The following NEK7 variants were observed in gnomAD, a reference collection of about 807,000 sequenced individuals.
The protein encoded by NEK7 is NIMA related kinase 7.
Under a neutral mutation model 44.6 loss-of-function variants are expected in NEK7, and 18 were observed. The observed-to-expected ratio is 0.40, with a 90% CI of 0.28 to 0.60. The LOEUF is 0.60. NEK7 is among the 20% of genes least tolerant of loss of function. NEK7 has a pLI of 0.38. For missense variants in NEK7, 256 were observed against 366.5 expected (o/e 0.70, Z 2.46); for synonymous variants, 130 against 121.1 (o/e 1.07, Z -0.48).
rs868696742 is a variant in NEK7 at position 198,317,885 on chromosome 1, T to A, written c.799-1527T>A. Among the ~76,000 whole-genome samples, 55 of 144,522 alleles carry A rather than the reference T, an allele frequency of 3.8e-4. 2 individuals are homozygous for A. Among genetic ancestry groups the A allele is most frequent in the South Asian group, 1.8e-3 (8 of 4,536 alleles). 94.8% of individuals were successfully genotyped at this position (144,522 alleles called of 152,430 possible). A position where few individuals can be genotyped will look rare whatever the true frequency, so the allele number is the denominator to read the frequency against. On this transcript the variant is annotated intron_variant, in intron 9 of 9. Transcript: ENST00000367385. ...TATTACTGGATATATTTATTTTTTT[T>A]TTTTTTTTTTTTTTTGGTAACCTGG... is the stretch of plus-strand genomic sequence containing the variant.
intron 1 of NEK7, among the ~76,000 whole-genome samples, chr1:198,158,511 T>C (rs141968046): frequency 8.2e-4 from 125 of 152,326 alleles, no homozygotes; most frequent in African/African-American, 2.8e-3. Flanking sequence ...ATGTGTATTA[T>C]AAATATGTTC....
chr1:198,198,528 G>A (rs1014889915), intron 1 of NEK7, among the ~76,000 whole-genome samples: 6 of 152,256 alleles, frequency 3.9e-5, no homozygotes, highest in Middle Eastern at 3.4e-3. Flanking sequence ...CCCACATGTC[G>A]CTATGTAAAG....
chr1:198,319,627 T>A lies in NEK7; in HGVS notation c.*105T>A. ...GTTAAGATTAATATTTCAGAGCTAG[T>A]GTGCTTTGAATCCTTAACCAGTTTT... is the stretch of plus-strand genomic sequence containing the variant. On this transcript the variant is annotated 3_prime_UTR_variant, in exon 10 of 10. Coordinates refer to ENST00000367385, the MANE Select transcript of NEK7 (RefSeq NM_133494.3). 7.5e-7 allele frequency: 1 copy of A among 1,326,500 alleles called. No individual in the cohort carries two copies. The highest frequency in any genetic ancestry group is 9.8e-7 in the Non-Finnish European group (1 of 1,022,408). The allele number at this position is 1,326,500 out of a possible 1,614,324, so 82.2% of individuals were successfully genotyped here.
At chr1:198,289,874 T>C (rs150061199) in intron 7 of NEK7, among the ~76,000 whole-genome samples, 1 of 152,176 alleles carries the variant, frequency 6.6e-6, no homozygotes. Context: ...TTATTGTTTA[T>C]GGAGTATATA....
chr1:198,163,918 C>T (rs1025206929), intron 1 of NEK7, among the ~76,000 whole-genome samples: 1 of 151,884 alleles, frequency 6.6e-6, no homozygotes, highest in African/African-American at 2.4e-5. Flanking sequence ...TTGTTTTCAC[C>T]TTCACTTTTA....
At chr1:198,177,895 A>G (rs1183842539) in intron 1 of NEK7, among the ~76,000 whole-genome samples, 1 of 152,132 alleles carries the variant, frequency 6.6e-6, no homozygotes, top group Non-Finnish European at 1.5e-5. Flanking sequence ...ATGGCTAGAC[A>G]AAATCAAGCA....
intron 1 of NEK7, among the ~76,000 whole-genome samples, chr1:198,191,975 T>C (rs1369097696): frequency 6.6e-6 from 1 of 152,128 alleles, no homozygotes; most frequent in Non-Finnish European, 1.5e-5. Flanking sequence ...TGTCTTTTCC[T>C]GCTTCAATTG....
At chr1:198,220,613 A>C (rs1666055653) in intron 1 of NEK7, among the ~76,000 whole-genome samples, 1 of 152,082 alleles carries the variant, frequency 6.6e-6, no homozygotes, top group African/African-American at 2.4e-5. Flanking sequence ...GATTATGGGA[A>C]GTACTGGATG....
chr1:198,272,325 G>A (rs1264730612), intron 5 of NEK7, among the ~76,000 whole-genome samples: 1 of 151,814 alleles, frequency 6.6e-6, no homozygotes, highest in Non-Finnish European at 1.5e-5. Context: ...GCTCCCTTTT[G>A]TAAACCATGT....
intron 2 of NEK7, among the ~76,000 whole-genome samples, chr1:198,251,896 T>G (rs1653012076): frequency 6.6e-6 from 1 of 152,198 alleles, no homozygotes. Context: ...CTGATTTTAG[T>G]TATTTCTTGC....
intron 1 of NEK7, among the ~76,000 whole-genome samples, chr1:198,199,831 T>A (rs1424576052): frequency 6.6e-6 from 1 of 152,168 alleles, no homozygotes; most frequent in Non-Finnish European, 1.5e-5. Context: ...ATGTAAGACA[T>A]GTCTTACAAG....
intron 1 of NEK7, among the ~76,000 whole-genome samples, chr1:198,197,455 A>AAT (rs1444779575): frequency 6.6e-6 from 1 of 152,204 alleles, no homozygotes; most frequent in Non-Finnish European, 1.5e-5. Flanking sequence ...GCAACAAACA[A>AAT]ATAGTACATT....
chr1:198,316,466 G>A (rs764016742), intron 9 of NEK7, among the ~76,000 whole-genome samples: 8 of 152,168 alleles, frequency 5.3e-5, no homozygotes, highest in African/African-American at 1.2e-4. Context: ...CTCCGTGTAC[G>A]AGGTGCAACA....
At chr1:198,296,513 A>G (rs541507932) in intron 8 of NEK7, among the ~76,000 whole-genome samples, 2 of 152,296 alleles carry the variant, frequency 1.3e-5, no homozygotes, top group East Asian at 3.9e-4. Context: ...AATTACAGCT[A>G]TGACTCATAG....
At chr1:198,295,340 C>T (rs1349609455) in intron 8 of NEK7, among the ~76,000 whole-genome samples, 2 of 152,102 alleles carry the variant, frequency 1.3e-5, no homozygotes, top group Non-Finnish European at 2.9e-5. Flanking sequence ...CCTCCGACAC[C>T]CCCAGAATAC....
intron 9 of NEK7, among the ~76,000 whole-genome samples, chr1:198,307,038 A>C (rs1655040996): frequency 6.6e-6 from 1 of 152,150 alleles, no homozygotes; most frequent in Non-Finnish European, 1.5e-5. Flanking sequence ...TTTAAGTAAA[A>C]TTCAGAGCCA....
At chr1:198,307,279 T>C (rs906072308) in intron 9 of NEK7, among the ~76,000 whole-genome samples, 7 of 152,094 alleles carry the variant, frequency 4.6e-5, no homozygotes, top group Non-Finnish European at 5.9e-5. Context: ...CTTTGAGTAA[T>C]GTACTAAGCA....
intron 1 of NEK7, chr1:198,198,032 G>A: frequency 6.8e-7 from 1 of 1,464,680 alleles, no homozygotes; most frequent in Admixed American, 2.5e-5. Flanking sequence ...GGCCCACCTG[G>A]GGGGAAAGCT....
At chr1:198,193,615 T>C (rs1665141887) in intron 1 of NEK7, among the ~76,000 whole-genome samples, 1 of 152,194 alleles carries the variant, frequency 6.6e-6, no homozygotes, top group South Asian at 2.1e-4. Flanking sequence ...TCCACCATGA[T>C]CAAGTTGGCT....
Sources: allele counts gnomAD v4.1 joint callset (sites outside exome capture counted in the v4.1 genomes callset), GRCh38; gene constraint gnomAD v4.1.1; transcripts MANE v1.5; gene names NCBI Gene and HGNC (gene_info 2026-07-23, HGNC 2026-07-21).